The following SMPD3 variants were observed in gnomAD, a reference collection of about 807,000 sequenced individuals.
The protein encoded by SMPD3 is sphingomyelin phosphodiesterase 3.
Under a neutral mutation model 55.7 loss-of-function variants are expected in SMPD3, and 21 were observed. The observed-to-expected ratio is 0.38, with a 90% CI of 0.27 to 0.54. SMPD3 has a LOEUF of 0.54. Among genes scored for constraint, SMPD3 ranks in the 20% least tolerant of loss-of-function variants. The pLI is 0.80. For synonymous variants in SMPD3, 457 were observed against 404.3 expected (o/e 1.13, Z -1.56); for missense variants, 842 against 899.6 (o/e 0.94, Z 0.82).
chr16:68,436,857 T>C (rs141943749), intron 1 of SMPD3, among the ~76,000 whole-genome samples: 9 of 152,252 alleles, frequency 5.9e-5, no homozygotes, highest in Non-Finnish European at 1.2e-4. Flanking sequence ...CAAATCATCC[T>C]CACCGACTGT....
At chr16:68,414,454 TG>T (rs960637846) in intron 1 of SMPD3, among the ~76,000 whole-genome samples, 2 of 152,238 alleles carry the variant, frequency 1.3e-5, no homozygotes, top group African/African-American at 4.8e-5. Context: ...TCTCCCACAC[TG>T]GGCCACCCAC....
chr16:68,427,183 A>G lies in SMPD3; in HGVS notation c.-269+21170T>C, dbSNP rs576301687. Among the ~76,000 whole-genome samples, 6 of 152,114 alleles carry G rather than the reference A, an allele frequency of 3.9e-5. No homozygotes were observed. In the South Asian group the frequency reaches 1.0e-3, roughly 26 times the overall value. ...GGCTAACTTTTGTATTTTCAGATAC[A>G]AAAGAGACAGGGTTTCACCACGTTG... On this transcript the variant is annotated intron_variant, in intron 1 of 8. Transcript: ENST00000219334.
chr16:68,369,382 T>C (rs2151980274), intron 3 of SMPD3: 1 of 143,838 alleles, frequency 7.0e-6, no homozygotes, highest in African/African-American at 2.6e-5. Flanking sequence ...GTGGGAACAG[T>C]GAGGGTGCCC....
intron 1 of SMPD3, among the ~76,000 whole-genome samples, chr16:68,446,026 C>A (rs914656773): frequency 1.3e-5 from 2 of 152,214 alleles, no homozygotes; most frequent in South Asian, 2.1e-4. Flanking sequence ...CAGCGCCATG[C>A]CCTTCCAGAC....
intron 1 of SMPD3, among the ~76,000 whole-genome samples, chr16:68,416,645 T>A (rs1376371547): frequency 1.3e-5 from 2 of 152,218 alleles, no homozygotes; most frequent in Admixed American, 6.5e-5. Context: ...TAAAGCCAGG[T>A]GCTTTGTGGC....
At chr16:68,398,194 C>T (rs751865592) in intron 1 of SMPD3, among the ~76,000 whole-genome samples, 11 of 152,072 alleles carry the variant, frequency 7.2e-5, no homozygotes, top group Non-Finnish European at 1.3e-4. Flanking sequence ...AAGCTTGGGG[C>T]TTATCCCATT....
At chr16:68,378,452 A>G (rs943696183) in intron 2 of SMPD3, among the ~76,000 whole-genome samples, 31 of 152,184 alleles carry the variant, frequency 2.0e-4, no homozygotes, top group African/African-American at 7.5e-4. Context: ...TGGCAAGAAC[A>G]TGTGTGCTGT....
intron 1 of SMPD3, among the ~76,000 whole-genome samples, chr16:68,428,965 AG>A (rs2090458930): frequency 6.6e-6 from 1 of 152,242 alleles, no homozygotes; most frequent in Non-Finnish European, 1.5e-5. Flanking sequence ...TAGTCAAGCC[AG>A]GGGAAAGTCA....
chr16:68,368,031 C>T (rs1212211465), intron 3 of SMPD3: 1 of 152,276 alleles, frequency 6.6e-6, no homozygotes, highest in East Asian at 1.9e-4. Context: ...GCGTCCCGGC[C>T]CCTCTCCGGC....
intron 2 of SMPD3, among the ~76,000 whole-genome samples, chr16:68,383,234 A>C (rs113355874): frequency 0.02 from 3,033 of 152,266 alleles, 130 homozygotes; most frequent in African/African-American, 0.068. Flanking sequence ...TGCTCAGAGC[A>C]TGCTGGCTGC....
intron 1 of SMPD3, among the ~76,000 whole-genome samples, chr16:68,434,943 G>C (rs1435902575): frequency 6.6e-6 from 1 of 152,138 alleles, no homozygotes. Context: ...TGCATGCCTG[G>C]AGCAGGAGAG....
chr16:68,362,006 G>C (rs908771894), intron 7 of SMPD3, among the ~76,000 whole-genome samples: 1 of 152,220 alleles, frequency 6.6e-6, no homozygotes, highest in Non-Finnish European at 1.5e-5. Context: ...GCCCCAGCCT[G>C]GCCAGCACTC....
chr16:68,402,028 A>G (rs1293023106), intron 1 of SMPD3, among the ~76,000 whole-genome samples: 1 of 152,158 alleles, frequency 6.6e-6, no homozygotes, highest in African/African-American at 2.4e-5. Flanking sequence ...CTTCCTTAGC[A>G]GGACCTCCCT....
chr16:68,435,211 G>A (rs1028867249), intron 1 of SMPD3, among the ~76,000 whole-genome samples: 1 of 152,230 alleles, frequency 6.6e-6, no homozygotes, highest in Non-Finnish European at 1.5e-5. Context: ...ACCAGAGTGA[G>A]GGTAGGTTGG....
intron 1 of SMPD3, among the ~76,000 whole-genome samples, chr16:68,393,171 G>T (rs61168371): frequency 0.011 from 1,648 of 152,250 alleles, 34 homozygotes; most frequent in African/African-American, 0.038. Context: ...TTGGGAGGCC[G>T]AGGCAGGCAG....
At chr16:68,382,331 G>A (rs987127582) in intron 2 of SMPD3, 5 of 152,246 alleles carry the variant, frequency 3.3e-5, no homozygotes, top group African/African-American at 9.7e-5. Flanking sequence ...CCAGCTTGGC[G>A]AGACACTGCC....
rs890643001 is a variant in SMPD3, at chr16:68,359,054, G to A, written c.*2152C>T. ...TTGCCTAAGGCCGCCTGTGAGGTGGGAGGGGAGGAGCATGCAGCCCTGACT... is the reference window on the plus strand; with the variant it reads ...TTGCCTAAGGCCGCCTGTGAGGTGGAAGGGGAGGAGCATGCAGCCCTGACT... On this transcript the variant is annotated 3_prime_UTR_variant, in exon 9 of 9. Coordinates refer to ENST00000219334, the MANE Select transcript of SMPD3 (RefSeq NM_018667.4). 6.5e-6 allele frequency: 1 copy of A among 152,682 alleles called. No homozygotes were observed. Among genetic ancestry groups the A allele is most frequent in the East Asian group, 1.9e-4 (1 of 5,240 alleles). The allele number at this position is 152,682 out of a possible 1,614,324, so 9.5% of individuals were successfully genotyped here. A position where few individuals can be genotyped will look rare whatever the true frequency, so the allele number is the denominator to read the frequency against.
At chr16:68,393,570 A>G (rs1393125072) in intron 1 of SMPD3, among the ~76,000 whole-genome samples, 2 of 152,230 alleles carry the variant, frequency 1.3e-5, no homozygotes, top group Non-Finnish European at 2.9e-5. Context: ...ACATGTCCAG[A>G]CAGAATTTGG....
chr16:68,434,600 T>G (rs1383305198), intron 1 of SMPD3, among the ~76,000 whole-genome samples: 1 of 152,226 alleles, frequency 6.6e-6, no homozygotes. Flanking sequence ...AATGCTTACA[T>G]TTATCGTCAT....
Sources: allele counts gnomAD v4.1 joint callset (sites outside exome capture counted in the v4.1 genomes callset), GRCh38; gene constraint gnomAD v4.1.1; transcripts MANE v1.5; gene names NCBI Gene and HGNC (gene_info 2026-07-23, HGNC 2026-07-21).